RARB: variants seen among roughly 807,000 people sequenced by gnomAD.
The protein encoded by RARB is retinoic acid receptor beta.
Under a neutral mutation model 51.9 loss-of-function variants are expected in RARB, and 17 were observed. The observed-to-expected ratio is 0.33, with a 90% CI of 0.22 to 0.49. The LOEUF is 0.49. Ranked by LOEUF, RARB falls within the 20% of genes least tolerant of loss-of-function variation. The pLI, the probability that RARB is intolerant of heterozygous loss-of-function variation, is 0.99. For missense variants in RARB, 369 were observed against 550.8 expected (o/e 0.67, Z 3.30); for synonymous variants, 215 against 195.4 (o/e 1.10, Z -0.84).
chr3:25,566,188 T>C (rs1700486841), intron 3 of RARB, among the ~76,000 whole-genome samples: 1 of 152,202 alleles, frequency 6.6e-6, no homozygotes. Context: ...TGCGTTCTTC[T>C]AGAGTTTAAA....
chr3:25,378,269 G>A (rs1460080854), intron 5 of RARB, among the ~76,000 whole-genome samples: 2 of 152,190 alleles, frequency 1.3e-5, no homozygotes, highest in African/African-American at 4.8e-5. Context: ...GGAAGCCACA[G>A]TGTTCCATGG....
chr3:25,428,742 G>A lies in RARB; in HGVS notation c.11G>A (p.Cys4Tyr), dbSNP rs778514781. 60 of 1,613,906 alleles carry A rather than the reference G, an allele frequency of 3.7e-5. No individual in the cohort carries two copies. The highest frequency in any genetic ancestry group is 4.7e-5 in the Non-Finnish European group (56 of 1,179,928). MFDCMDVLSVSPGQ... is the reference protein window; with the variant it reads MFDYMDVLSVSPGQ... ...AGTGCAAGGGAGATCATGTTTGACT[G>A]TATGGATGTTCTGTCAGTGAGTCCT... Residue 4 changes from cysteine to tyrosine, a missense_variant, in exon 1 of 8, where the codon TGT becomes TAT. By Grantham distance (194) the Cys-to-Tyr change is radical (BLOSUM62 -2). Coordinates refer to ENST00000330688, the MANE Select transcript of RARB (RefSeq NM_000965.5).
Position 25,031,278 on chromosome 3 carries a change from C to T in RARB, c.-379-28847C>T, listed in dbSNP as rs74920883. Among the ~76,000 whole-genome samples the T allele has an allele frequency of 8.4e-3, 1,279 of 152,318 alleles. 9 individuals carry two copies. The highest frequency in any genetic ancestry group is 0.024 in the Middle Eastern group (7 of 294). The stretch of plus-strand genomic sequence containing the variant: ...CCCATATTGAGAACCACTGGACTAG[C>T]TCAGTGTTATTTAACACACCTAGCC... On this transcript the variant is annotated intron_variant, in intron 2 of 11. Coordinates refer to the RARB transcript ENST00000383772.
chr3:25,467,971 G>A (rs1347925468), intron 2 of RARB, among the ~76,000 whole-genome samples: 1 of 152,084 alleles, frequency 6.6e-6, no homozygotes, highest in Non-Finnish European at 1.5e-5. Flanking sequence ...AATAATTTAG[G>A]GGTATTCTAT....
At chr3:25,350,905 C>G (rs1482802143) in intron 5 of RARB, among the ~76,000 whole-genome samples, 1 of 152,134 alleles carries the variant, frequency 6.6e-6, no homozygotes, top group Admixed American at 6.6e-5. Flanking sequence ...CCCATGGTGT[C>G]ATTGTTTGGA....
chr3:25,213,504 A>G (rs1195069309), intron 5 of RARB, among the ~76,000 whole-genome samples: 1 of 152,176 alleles, frequency 6.6e-6, no homozygotes, highest in Non-Finnish European at 1.5e-5. Flanking sequence ...TTGAAGCATT[A>G]CCAATAAGGC....
At chr3:25,470,419 A>G (rs1695627715) in intron 2 of RARB, among the ~76,000 whole-genome samples, 1 of 152,196 alleles carries the variant, frequency 6.6e-6, no homozygotes, top group African/African-American at 2.4e-5. Flanking sequence ...TTTGATGGGC[A>G]CAGAGAAGGA....
chr3:25,461,213 A>T lies in RARB; in HGVS notation c.178A>T (p.Ser60Cys). Residue 60 changes from serine to cysteine, a missense_variant, in exon 2 of 8, where the codon AGC becomes TGC. Transcript: ENST00000330688. ...TAQSIETQST[S>C]SEELVPSPPS... ...TATAGCAATTGAAACACAGAGCACC[A>T]GCTCTGAGGAACTCGTCCCAAGCCC... 3 of 1,613,026 alleles carry T rather than the reference A, an allele frequency of 1.9e-6. No homozygotes were observed. The African/African-American group carries it at 4.0e-5, about 22-fold the overall frequency.
chr3:25,196,754 T>C lies in RARB; in HGVS notation c.178+22179T>C, dbSNP rs545487415. On this transcript the variant is annotated intron_variant, in intron 5 of 11. Transcript: ENST00000383772. ...CTGTTGTTTCCTGACTTTTTAATGA[T>C]CACCATTCTAACTGGTGTGAGGTGG... is the stretch of plus-strand genomic sequence containing the variant. Among the ~76,000 whole-genome samples the C allele has an allele frequency of 3.3e-5, 5 of 152,266 alleles. No individual in the cohort carries two copies. In the East Asian group the frequency reaches 9.7e-4, roughly 29 times the overall value.
chr3:25,071,287 G>T lies in RARB; in HGVS notation c.-328+11111G>T, dbSNP rs375636645. Among the ~76,000 whole-genome samples the T allele has an allele frequency of 2.4e-4, 36 of 152,308 alleles. No individual in the cohort carries two copies. In the South Asian group the frequency reaches 6.0e-3, roughly 25 times the overall value. The stretch of plus-strand genomic sequence containing the variant: ...CCCAAATCATACCAGGGAAGACAGG[G>T]TGCTAGCTGATTTTGATAATCACAA... On this transcript the variant is annotated intron_variant, in intron 3 of 11. Coordinates refer to the RARB transcript ENST00000383772.
intron 5 of RARB, among the ~76,000 whole-genome samples, chr3:25,328,235 C>T (rs2125443426): frequency 6.6e-6 from 1 of 152,306 alleles, no homozygotes; most frequent in South Asian, 2.1e-4. Flanking sequence ...GTAGTTGCCT[C>T]TAGGCCGGGT....
intron 5 of RARB, among the ~76,000 whole-genome samples, chr3:25,330,494 T>G (rs1223462297): frequency 6.6e-6 from 1 of 152,102 alleles, no homozygotes; most frequent in Non-Finnish European, 1.5e-5. Flanking sequence ...AGGCCTGCCC[T>G]ACAAGAGCTC....
At chr3:24,909,870 T>C (rs1265541984) in intron 2 of RARB, among the ~76,000 whole-genome samples, 1 of 152,180 alleles carries the variant, frequency 6.6e-6, no homozygotes, top group Non-Finnish European at 1.5e-5. Context: ...AGCATAAATG[T>C]CTATATTTGC....
At chr3:25,512,192 T>C (rs1170076039) in intron 3 of RARB, among the ~76,000 whole-genome samples, 2 of 152,246 alleles carry the variant, frequency 1.3e-5, no homozygotes, top group Non-Finnish European at 2.9e-5. Flanking sequence ...GTATCTGTTA[T>C]GATACTGAGC....
intron 5 of RARB, among the ~76,000 whole-genome samples, chr3:25,394,902 C>A (rs1488228771): frequency 6.6e-6 from 1 of 152,160 alleles, no homozygotes; most frequent in Non-Finnish European, 1.5e-5. Context: ...TTACACTCAA[C>A]ATTAGTATGA....
At chr3:24,971,008 G>C (rs946868996) in intron 2 of RARB, among the ~76,000 whole-genome samples, 2 of 151,914 alleles carry the variant, frequency 1.3e-5, no homozygotes, top group Non-Finnish European at 1.5e-5. Context: ...GGTGCTCCCA[G>C]TATCATCGTT....
At chr3:25,478,107 G>A (rs1458406357) in intron 2 of RARB, among the ~76,000 whole-genome samples, 2 of 152,148 alleles carry the variant, frequency 1.3e-5, no homozygotes, top group Admixed American at 6.5e-5. Flanking sequence ...CAAAAACGAA[G>A]GTTGCAGAGG....
At chr3:25,275,888 C>T (rs375285675) in intron 5 of RARB, among the ~76,000 whole-genome samples, 2 of 152,066 alleles carry the variant, frequency 1.3e-5, no homozygotes, top group Non-Finnish European at 2.9e-5. Context: ...CAAAGGTGCA[C>T]GTTGTGCACA....
intron 5 of RARB, among the ~76,000 whole-genome samples, chr3:25,387,169 C>T (rs931752407): frequency 6.6e-6 from 1 of 152,254 alleles, no homozygotes; most frequent in Non-Finnish European, 1.5e-5. Flanking sequence ...CTTGAAGATG[C>T]ACAACAGAAA....
Sources: allele counts gnomAD v4.1 joint callset (sites outside exome capture counted in the v4.1 genomes callset), GRCh38; gene constraint gnomAD v4.1.1; transcripts MANE v1.5; gene names NCBI Gene and HGNC (gene_info 2026-07-23, HGNC 2026-07-21).